Variants in UGT1A9 observed in about 807,000 individuals in gnomAD.
UGT1A9 encodes the protein UDP glucuronosyltransferase family 1 member A9, also known as UDP-glucuronosyltransferase 1A9.
UGT1A9 carries 35 observed loss-of-function variants against 45.0 expected under a neutral mutation model. The ratio of observed to expected loss-of-function variants is 0.78; its 90% CI spans 0.59 to 1.03. The LOEUF (loss-of-function observed/expected upper bound fraction) is 1.03. UGT1A9 is among the 50% of genes least tolerant of loss of function. The pLI, the probability that UGT1A9 is intolerant of heterozygous loss-of-function variation, is 0.00. For synonymous variants in UGT1A9, 278 were observed against 250.6 expected, an observed-to-expected ratio of 1.11 and a Z score of -1.03; for missense variants, 687 against 666.6, an observed-to-expected ratio of 1.03 and a Z score of -0.34.
intron 1 of UGT1A9, among the ~76,000 whole-genome samples, chr2:233,740,264 G>A (rs540642726): frequency 1.3e-5 from 2 of 151,992 alleles, no homozygotes; most frequent in Admixed American, 6.5e-5. Flanking sequence ...GATTGGTGGT[G>A]ATTGAAGTTA....
intron 1 of UGT1A9, among the ~76,000 whole-genome samples, chr2:233,731,894 C>G (rs1470586397): frequency 6.6e-6 from 1 of 152,238 alleles, no homozygotes; most frequent in Non-Finnish European, 1.5e-5. Context: ...AATTTACACT[C>G]CCACCAATGG....
Position 233,768,265 on chromosome 2 carries a change from G to T in UGT1A9, c.1121G>T (p.Gly374Val), listed in dbSNP as rs1283652721. Residue 374 changes from glycine to valine, a missense_variant, in exon 4 of 5, where the codon GGT becomes GTT. By Grantham distance (109) the Gly-to-Val change is moderately radical. Transcript: ENST00000354728. The part of the protein sequence containing the change: ...RAFITHAGSH[G>V]VYESICNGVP... ...TTTATCACCCATGCTGGTTCCCATGGTGTTTATGAAAGCATATGCAATGGC... is the reference window on the plus strand; with the variant it reads ...TTTATCACCCATGCTGGTTCCCATGTTGTTTATGAAAGCATATGCAATGGC... 5.0e-6 allele frequency: 8 copies of T among 1,614,030 alleles called. No individual in the cohort carries two copies. The highest frequency in any genetic ancestry group is 6.8e-6 in the Non-Finnish European group (8 of 1,180,030).
chr2:233,675,177 T>C (rs956649230), intron 1 of UGT1A9, among the ~76,000 whole-genome samples: 1 of 152,140 alleles, frequency 6.6e-6, no homozygotes, highest in African/African-American at 2.4e-5. Context: ...TTAAATACTT[T>C]AACAAGGATG....
chr2:233,689,931 G>A (rs762732486), intron 1 of UGT1A9: 1 of 456,630 alleles, frequency 2.2e-6, no homozygotes, highest in South Asian at 1.5e-5. Flanking sequence ...TCCTTCGAAA[G>A]AACCCAAGAT....
chr2:233,681,996 G>A (rs1178155998), intron 1 of UGT1A9: 3 of 1,614,180 alleles, frequency 1.9e-6, no homozygotes, highest in South Asian at 2.2e-5. Context: ...CTGCTGACCT[G>A]TGGCTTTGCC....
At position 233,764,478 on chromosome 2, in the gene UGT1A9, C is replaced by T. The variant is rs370150887; in HGVS notation, c.856-2556C>T. ...TTCGTGATCTCCTGCTATTTAACTT[C>T]GAATGTTTATGGACCTGTGGGTTCA... On this transcript the variant is annotated intron_variant, in intron 1 of 4. Transcript: ENST00000354728. 3.4e-4 allele frequency among the ~76,000 whole-genome samples: 51 copies of T among 152,200 alleles called. 2 individuals are homozygous for T. Among genetic ancestry groups the T allele is most frequent in the East Asian group, 3.1e-3 (16 of 5,174 alleles).
chr2:233,767,285 T>C (rs1440125583), intron 2 of UGT1A9, 120 bp downstream of exon 2: 1 of 1,569,258 alleles, frequency 6.4e-7, no homozygotes, highest in Non-Finnish European at 8.6e-7. Flanking sequence ...CCCTGCCACT[T>C]CCCAACTATT....
In UGT1A9 at chr2:233,761,002, CAG is replaced by C. The variant is rs797046091; in HGVS notation, c.856-6025_856-6024del. On this transcript the variant is annotated intron_variant, in intron 1 of 4. Coordinates refer to ENST00000354728, the MANE Select transcript of UGT1A9 (RefSeq NM_021027.3). The stretch of plus-strand genomic sequence containing the variant: ...TGCAACCCTTGCCTCAGAATTCCTT[CAG>C]AGAGAGGTGACTGTCCAGGACCTAT... The C allele has an allele frequency of 1.5e-5, 25 of 1,614,060 alleles. No individual in the cohort carries two copies. Among genetic ancestry groups the C allele is most frequent in the Non-Finnish European group, 2.0e-5 (24 of 1,180,054 alleles).
intron 1 of UGT1A9, among the ~76,000 whole-genome samples, chr2:233,677,292 G>T (rs994311025): frequency 6.6e-6 from 1 of 152,020 alleles, no homozygotes; most frequent in Non-Finnish European, 1.5e-5. Context: ...TATTTAAGTG[G>T]TATTTTTAAT....
At chr2:233,754,747 A>G (rs527716521) in intron 1 of UGT1A9, 1 of 765,704 alleles carries the variant, frequency 1.3e-6, no homozygotes, top group African/African-American at 1.8e-5. Context: ...GACATGCAGA[A>G]GGAAGAAAGG....
intron 1 of UGT1A9, among the ~76,000 whole-genome samples, chr2:233,699,217 A>G (rs17863786): frequency 0.034 from 5,148 of 152,236 alleles, 109 homozygotes; most frequent in African/African-American, 0.056. Flanking sequence ...CATGAAAAAA[A>G]AACAAAAACG....
At chr2:233,729,341 A>G (rs1330207927) in intron 1 of UGT1A9, 2 of 1,614,238 alleles carry the variant, frequency 1.2e-6, no homozygotes, top group Admixed American at 1.7e-5. Flanking sequence ...ATCAAAGAAG[A>G]GAACTTTTTC....
intron 1 of UGT1A9, chr2:233,712,955 T>C (rs766040798): frequency 1.9e-6 from 3 of 1,612,766 alleles, no homozygotes; most frequent in Non-Finnish European, 2.5e-6. Context: ...AGGCACAACG[T>C]GGGGTGGACA....
rs34459843 is a variant in UGT1A9 at position 233,690,776 on chromosome 2, TACACACACAC to T, written c.855+18002_855+18011del. ...GTGCAGACATACACACACACACACA[TACACACACAC>T]ACACACACACACACCATTCTTAGTA... On this transcript the variant is annotated intron_variant, in intron 1 of 4. Transcript: ENST00000354728. 189 of 1,063,532 alleles carry T rather than the reference TACACACACAC, an allele frequency of 1.8e-4. 1 individual carries two copies. The African/African-American group carries it at 2.4e-3, about 13-fold the overall frequency. 65.9% of individuals were successfully genotyped at this position (1,063,532 alleles called of 1,614,324 possible).
chr2:233,736,380 T>C (rs544849081), intron 1 of UGT1A9, among the ~76,000 whole-genome samples: 2 of 152,342 alleles, frequency 1.3e-5, no homozygotes, highest in South Asian at 4.1e-4. Flanking sequence ...TAAGGTCTTC[T>C]CTACAGTGTT....
intron 1 of UGT1A9, chr2:233,743,967 C>A (rs1487193750): frequency 1.5e-6 from 2 of 1,326,686 alleles, no homozygotes; most frequent in African/African-American, 1.5e-5. Flanking sequence ...AGCGGCAAGG[C>A]TGCCAGCACC....
chr2:233,721,025 C>T (rs945783424), intron 1 of UGT1A9, among the ~76,000 whole-genome samples: 6 of 152,028 alleles, frequency 3.9e-5, no homozygotes, highest in Non-Finnish European at 8.8e-5. Flanking sequence ...AGCCATCTTT[C>T]TTGTGAGAGA....
intron 1 of UGT1A9, chr2:233,753,403 T>C (rs149143287): frequency 6.6e-6 from 1 of 152,326 alleles, no homozygotes; most frequent in East Asian, 1.9e-4. Flanking sequence ...CTAGAGCATA[T>C]CCAAACCCAT....
chr2:233,750,918 A>G (rs1308171109), intron 1 of UGT1A9, among the ~76,000 whole-genome samples: 1 of 151,874 alleles, frequency 6.6e-6, no homozygotes, highest in Admixed American at 6.5e-5. Context: ...AGGGTGGTAA[A>G]GAAATGTGAG....
Sources: allele counts gnomAD v4.1 joint callset (sites outside exome capture counted in the v4.1 genomes callset), GRCh38; gene constraint gnomAD v4.1.1; transcripts MANE v1.5; gene names NCBI Gene and HGNC (gene_info 2026-07-23, HGNC 2026-07-21).